FMNL2: variants seen among roughly 807,000 people sequenced by gnomAD.
FMNL2 encodes formin-like protein 2.
A neutral mutation model predicts 130.2 loss-of-function variants in FMNL2; 51 were observed. The observed-to-expected ratio is 0.39, with a 90% confidence interval of 0.31 to 0.49. The LOEUF (loss-of-function observed/expected upper bound fraction) is 0.49. FMNL2 is among the 20% of genes least tolerant of loss of function. FMNL2 has a pLI of 0.85. For missense variants in FMNL2, 977 were observed against 1,316.2 expected, an observed-to-expected ratio of 0.74 and a Z score of 3.99; for synonymous variants, 465 against 467.1, an observed-to-expected ratio of 1.00 and a Z score of 0.06.
intron 25 of FMNL2, among the ~76,000 whole-genome samples, chr2:152,644,234 C>CA (rs1041866710): frequency 3.3e-5 from 5 of 152,084 alleles, no homozygotes; most frequent in Non-Finnish European, 7.4e-5. Flanking sequence ...AAAACAAAAA[C>CA]AAAAAACAAA....
intron 9 of FMNL2, among the ~76,000 whole-genome samples, chr2:152,595,760 C>G (rs1284367573): frequency 6.6e-6 from 1 of 152,072 alleles, no homozygotes; most frequent in Non-Finnish European, 1.5e-5. Context: ...CTCTTTCTGT[C>G]CCTTTCCCAT....
chr2:152,413,830 A>AC (rs1478843353), intron 1 of FMNL2, among the ~76,000 whole-genome samples: 16 of 152,238 alleles, frequency 1.1e-4, no homozygotes, highest in African/African-American at 3.9e-4. Context: ...AGATACGGAT[A>AC]CCGATGGACA....
chr2:152,553,953 TTA>T lies in FMNL2; in HGVS notation c.360-4784_360-4783del, dbSNP rs1695073384. ...TGATGTATATGTAGAAAATTGGGTC[TTA>T]TACACACTTAGAGATGAGTTTTTTA... On this transcript the variant is annotated intron_variant, in intron 4 of 25. Transcript: ENST00000288670. 2.0e-5 allele frequency among the ~76,000 whole-genome samples: 3 copies of T among 152,216 alleles called. No individual in the cohort carries two copies. In the South Asian group the frequency reaches 6.2e-4, roughly 31 times the overall value.
rs1232379954 is a variant in FMNL2 at position 152,335,477 on chromosome 2, C to G, written c.-127C>G. ...GGTGCGCGCCGCACACCCGCCTGGGCGCGGCGGAGGGCGGGGAGCCGGGCA... is the reference window on the plus strand; with the variant it reads ...GGTGCGCGCCGCACACCCGCCTGGGGGCGGCGGAGGGCGGGGAGCCGGGCA... On this transcript the variant is annotated 5_prime_UTR_variant, in exon 1 of 26. Coordinates refer to ENST00000288670, the MANE Select transcript of FMNL2 (RefSeq NM_052905.4). 1.8e-6 allele frequency: 1 copy of G among 543,450 alleles called. No individual in the cohort carries two copies. Among genetic ancestry groups the G allele is most frequent in the African/African-American group, 2.0e-5 (1 of 48,908 alleles). 33.7% of individuals were successfully genotyped at this position (543,450 alleles called of 1,614,324 possible).
chr2:152,530,247 T>C (rs62180832), intron 2 of FMNL2, among the ~76,000 whole-genome samples: 26,369 of 152,188 alleles, frequency 0.17, 2,817 homozygotes, highest in Non-Finnish European at 0.25. Flanking sequence ...TAAGGCAGGT[T>C]AGCTAAGAAT....
chr2:152,542,684 T>C (rs1694378019), intron 2 of FMNL2, 55 bp from the exon 3 acceptor site: 3 of 1,574,164 alleles, frequency 1.9e-6, no homozygotes, highest in Non-Finnish European at 2.6e-6. Context: ...CTGATGTGGC[T>C]GACTGTGTCA....
At chr2:152,642,304 A>C (rs1683163103) in intron 25 of FMNL2, among the ~76,000 whole-genome samples, 1 of 152,202 alleles carries the variant, frequency 6.6e-6, no homozygotes, top group Non-Finnish European at 1.5e-5. Flanking sequence ...TCAAAACCAC[A>C]AATTTTTTTC....
At chr2:152,645,447 T>C in intron 25 of FMNL2, 1 of 1,289,650 alleles carries the variant, frequency 7.8e-7, no homozygotes. Context: ...TAAAGAAGAA[T>C]AATATCACTA....
At chr2:152,561,922 T>C (rs967827960) in intron 6 of FMNL2, among the ~76,000 whole-genome samples, 1 of 152,170 alleles carries the variant, frequency 6.6e-6, no homozygotes, top group Non-Finnish European at 1.5e-5. Context: ...CTTTCTCATC[T>C]CTTCTGGCTA....
chr2:152,503,700 C>G (rs946943102), intron 1 of FMNL2, among the ~76,000 whole-genome samples: 3 of 152,084 alleles, frequency 2.0e-5, no homozygotes, highest in Non-Finnish European at 2.9e-5. Context: ...TTACCTGGGC[C>G]ATGGATTCTA....
intron 1 of FMNL2, among the ~76,000 whole-genome samples, chr2:152,477,943 C>T (rs2105214976): frequency 1.3e-5 from 2 of 152,190 alleles, no homozygotes; most frequent in Middle Eastern, 6.8e-3. Context: ...AATGAGTCAG[C>T]ACAGCCTGCT....
intron 15 of FMNL2, among the ~76,000 whole-genome samples, chr2:152,622,731 G>C (rs1298096843): frequency 6.6e-6 from 1 of 151,534 alleles, no homozygotes; most frequent in Admixed American, 6.6e-5. Context: ...ACACATTCTA[G>C]TTGAACCTAC....
At chr2:152,620,132 T>C (rs1477155899) in intron 15 of FMNL2, among the ~76,000 whole-genome samples, 1 of 151,984 alleles carries the variant, frequency 6.6e-6, no homozygotes, top group Non-Finnish European at 1.5e-5. Context: ...TTTTAAATGG[T>C]ATTTTTGATG....
chr2:152,631,926 G>A, intron 20 of FMNL2, 82 bp from the exon 21 acceptor site: 1 of 1,453,928 alleles, frequency 6.9e-7, no homozygotes, highest in Non-Finnish European at 9.2e-7. Context: ...TAATGACTCT[G>A]GGTGGGAAAT....
intron 21 of FMNL2, among the ~76,000 whole-genome samples, chr2:152,635,715 G>T (rs1192115602): frequency 6.6e-6 from 1 of 152,182 alleles, no homozygotes; most frequent in Non-Finnish European, 1.5e-5. Flanking sequence ...GTGGGGGAGT[G>T]CCTGCCCCGG....
At chr2:152,379,809 G>A (rs925391710) in intron 1 of FMNL2, among the ~76,000 whole-genome samples, 19 of 152,118 alleles carry the variant, frequency 1.2e-4, no homozygotes, top group South Asian at 4.1e-4. Context: ...AATGTGTTCC[G>A]ACTTCAAAAT....
At position 152,625,551 on chromosome 2, in the gene FMNL2, C is replaced by T. The variant is rs748268997; in HGVS notation, c.1951C>T (p.Arg651Ter). Residue 651 changes from arginine to a stop codon, truncating the protein, a stop_gained, in exon 16 of 26, where the codon CGA becomes TGA. Transcript: ENST00000288670. LOFTEE classifies it high-confidence loss of function. ...AGTCTTCAATGAAATTGATGATGAG[C>T]GAATTCTGGAGGTATTTTTCTCATT... ...GTVFNEIDDE[R>*]ILEDLNVDEF... 5.6e-6 allele frequency: 9 copies of T among 1,602,498 alleles called. No individual in the cohort carries two copies. The highest frequency in any genetic ancestry group is 1.3e-5 in the African/African-American group (1 of 74,916).
At chr2:152,471,313 T>TA (rs1689847614) in intron 1 of FMNL2, among the ~76,000 whole-genome samples, 1 of 152,218 alleles carries the variant, frequency 6.6e-6, no homozygotes. Context: ...AAAATGCAGT[T>TA]ACAAATCAGT....
At chr2:152,645,191 T>C (rs1683443934) in intron 25 of FMNL2, among the ~76,000 whole-genome samples, 1 of 152,178 alleles carries the variant, frequency 6.6e-6, no homozygotes, top group African/African-American at 2.4e-5. Flanking sequence ...GCTGTTGGAC[T>C]ATATCTATCT....
Sources: gnomAD v4.1 joint callset for allele counts (sites outside exome capture counted in the v4.1 genomes callset) on GRCh38, gnomAD v4.1.1 for gene constraint, MANE v1.5 for transcripts, NCBI Gene and HGNC (gene_info 2026-07-23, HGNC 2026-07-21) for gene names.